ADAMTS19: variants seen among roughly 807,000 people sequenced by gnomAD.
ADAMTS19 encodes ADAM metallopeptidase with thrombospondin type 1 motif 19.
A neutral mutation model predicts 153.3 loss-of-function variants in ADAMTS19; 93 were observed. That is an observed-to-expected ratio of 0.61 (90% CI 0.51 to 0.72). The LOEUF is 0.72. Among genes scored for constraint, ADAMTS19 ranks in the 30% least tolerant of loss-of-function variants. The probability of loss-of-function intolerance (pLI) is 0.00; values close to 1 mark genes in which losing one functional copy is unlikely to be tolerated. For missense variants in ADAMTS19, 1,482 were observed against 1,552.1 expected, an observed-to-expected ratio of 0.95 and a Z score of 0.76; for synonymous variants, 600 against 556.6, an observed-to-expected ratio of 1.08 and a Z score of -1.10.
chr5:129,684,075 G>A (rs1754953584), intron 17 of ADAMTS19, 45 bp from the exon 18 acceptor site: 4 of 1,557,958 alleles, frequency 2.6e-6, no homozygotes, highest in South Asian at 2.4e-5. Flanking sequence ...CATTGCACGT[G>A]CTCTAGTTTG....
rs552105454 is a variant in ADAMTS19 at position 129,669,978 on chromosome 5, G to A, written c.2506+4399G>A. ...AAGAGCATAGATAGATATGTGGTGG[G>A]GGGTTGTTATTCAGCTCATCATATT... On this transcript the variant is annotated intron_variant, in intron 16 of 22. Coordinates refer to ENST00000274487, the MANE Select transcript of ADAMTS19 (RefSeq NM_133638.6). Among the ~76,000 whole-genome samples the A allele has an allele frequency of 1.6e-4, 24 of 152,072 alleles. No individual in the cohort carries two copies. The South Asian group carries it at 4.8e-3, about 30-fold the overall frequency.
At chr5:129,628,174 C>T (rs1208687450) in intron 10 of ADAMTS19, among the ~76,000 whole-genome samples, 1 of 152,114 alleles carries the variant, frequency 6.6e-6, no homozygotes, top group East Asian at 1.9e-4. Context: ...AGGTGGAGGC[C>T]ATTATCCTTA....
chr5:129,606,776 A>AC (rs1288661603), intron 8 of ADAMTS19, among the ~76,000 whole-genome samples: 1 of 152,080 alleles, frequency 6.6e-6, no homozygotes, highest in Non-Finnish European at 1.5e-5. Context: ...TCATTTTTTT[A>AC]TTATCCCAAC....
At chr5:129,587,278 A>G (rs959880354) in intron 7 of ADAMTS19, among the ~76,000 whole-genome samples, 72 of 151,938 alleles carry the variant, frequency 4.7e-4, no homozygotes, top group African/African-American at 1.5e-3. Context: ...ATAAATCCCA[A>G]TTCTTTGAGA....
intron 16 of ADAMTS19, among the ~76,000 whole-genome samples, chr5:129,667,097 T>C (rs1425595514): frequency 6.6e-6 from 1 of 152,132 alleles, no homozygotes; most frequent in African/African-American, 2.4e-5. Flanking sequence ...GGTCAGCAAA[T>C]GCCCTCCATG....
chr5:129,521,185 G>A (rs1327188590), intron 3 of ADAMTS19, among the ~76,000 whole-genome samples: 1 of 151,972 alleles, frequency 6.6e-6, no homozygotes, highest in Non-Finnish European at 1.5e-5. Flanking sequence ...GTTTTAATAT[G>A]ACCAGTGATT....
At chr5:129,691,682 C>G (rs1755344445) in intron 18 of ADAMTS19, among the ~76,000 whole-genome samples, 1 of 152,244 alleles carries the variant, frequency 6.6e-6, no homozygotes, top group East Asian at 1.9e-4. Flanking sequence ...AGCTGCCAAA[C>G]CTTACAATAT....
chr5:129,573,956 G>A (rs919300275), intron 7 of ADAMTS19, among the ~76,000 whole-genome samples: 18 of 151,774 alleles, frequency 1.2e-4, no homozygotes, highest in African/African-American at 3.6e-4. Context: ...TCAGTTGTTG[G>A]GATAAACTCT....
chr5:129,722,026 T>C (rs1401183779), intron 21 of ADAMTS19, among the ~76,000 whole-genome samples: 1 of 152,028 alleles, frequency 6.6e-6, no homozygotes, highest in Admixed American at 6.5e-5. Flanking sequence ...GTTGGTTCCA[T>C]GTCTTTGCTA....
At chr5:129,671,906 T>TA (rs111985474) in intron 16 of ADAMTS19, among the ~76,000 whole-genome samples, 25,472 of 151,238 alleles carry the variant, frequency 0.17, 2,830 homozygotes, top group African/African-American at 0.32. Context: ...AACTTCTCAC[T>TA]AAAAAAAAAT....
intron 7 of ADAMTS19, among the ~76,000 whole-genome samples, chr5:129,552,748 T>G (rs978833396): frequency 6.6e-5 from 10 of 151,910 alleles, no homozygotes; most frequent in Non-Finnish European, 1.3e-4. Context: ...ATAGGGATAT[T>G]AGTATTTTAA....
At chr5:129,666,411 A>AT (rs149715240) in intron 16 of ADAMTS19, among the ~76,000 whole-genome samples, 5 of 152,184 alleles carry the variant, frequency 3.3e-5, no homozygotes, top group Admixed American at 6.6e-5. Flanking sequence ...TCTCAAGCCT[A>AT]TTTTTTTAAC....
intron 7 of ADAMTS19, among the ~76,000 whole-genome samples, chr5:129,566,676 C>T (rs1045990877): frequency 2.6e-5 from 4 of 152,108 alleles, no homozygotes; most frequent in Non-Finnish European, 5.9e-5. Flanking sequence ...CAGGAAGGGG[C>T]CCTGATGCTC....
chr5:129,597,543 C>T (rs773553242), intron 8 of ADAMTS19, among the ~76,000 whole-genome samples: 3 of 151,966 alleles, frequency 2.0e-5, no homozygotes, highest in Non-Finnish European at 2.9e-5. Context: ...GGGATAATAC[C>T]TTTGTTATGG....
chr5:129,622,436 TG>T lies in ADAMTS19; in HGVS notation c.1770+90del, dbSNP rs1751822119. The T allele has an allele frequency of 4.1e-6, 6 of 1,459,368 alleles. No individual in the cohort carries two copies. In the African/African-American group the frequency reaches 4.2e-5, roughly 10 times the overall value. The allele number at this position is 1,459,368 out of a possible 1,614,324, so 90.4% of individuals were successfully genotyped here. A position where few individuals can be genotyped will look rare whatever the true frequency, so the allele number is the denominator to read the frequency against. The stretch of plus-strand genomic sequence containing the variant: ...GAAGGTAACATTATTTTAGGGTTTG[TG>T]GATCAAAAGCACCCCAATATATAAA... On this transcript the variant is annotated intron_variant, in intron 10 of 22. Transcript: ENST00000274487.
At chr5:129,492,832 T>C (rs1750812778) in intron 2 of ADAMTS19, among the ~76,000 whole-genome samples, 1 of 152,186 alleles carries the variant, frequency 6.6e-6, no homozygotes, top group African/African-American at 2.4e-5. Context: ...GACTATATAA[T>C]GTGTTTTTCC....
intron 7 of ADAMTS19, among the ~76,000 whole-genome samples, chr5:129,592,251 G>A (rs1214493308): frequency 6.6e-6 from 1 of 151,636 alleles, no homozygotes; most frequent in Non-Finnish European, 1.5e-5. Flanking sequence ...ATGGTGGCAG[G>A]TGCCTGTAAT....
intron 3 of ADAMTS19, among the ~76,000 whole-genome samples, chr5:129,523,377 T>G (rs1358549478): frequency 1.3e-5 from 2 of 152,050 alleles, no homozygotes; most frequent in Non-Finnish European, 2.9e-5. Flanking sequence ...TTGTATTAAA[T>G]AGTAAAGAAA....
At chr5:129,544,401 A>G (rs1264393372) in intron 6 of ADAMTS19, among the ~76,000 whole-genome samples, 1 of 152,170 alleles carries the variant, frequency 6.6e-6, no homozygotes, top group African/African-American at 2.4e-5. Flanking sequence ...GCTTGTTTCT[A>G]TATATATTTA....
Sources: gnomAD v4.1 joint callset for allele counts (sites outside exome capture counted in the v4.1 genomes callset) on GRCh38, gnomAD v4.1.1 for gene constraint, MANE v1.5 for transcripts, NCBI Gene and HGNC (gene_info 2026-07-23, HGNC 2026-07-21) for gene names.